PRKG1: variants seen among roughly 807,000 people sequenced by gnomAD.
PRKG1 encodes the protein protein kinase cGMP-dependent 1.
A neutral mutation model predicts 88.1 loss-of-function variants in PRKG1; 35 were observed. That is an observed-to-expected ratio of 0.40 (90% confidence interval 0.30 to 0.53). The LOEUF is 0.53. Among genes scored for constraint, PRKG1 ranks in the 20% least tolerant of loss-of-function variants. The pLI is 0.59. For missense variants in PRKG1, 540 were observed against 839.8 expected, an observed-to-expected ratio of 0.64 and a Z score of 4.41; for synonymous variants, 303 against 292.5, an observed-to-expected ratio of 1.04 and a Z score of -0.37.
At chr10:51,170,072 CTG>C (rs1458548449) in intron 2 of PRKG1, among the ~76,000 whole-genome samples, 1 of 151,984 alleles carries the variant, frequency 6.6e-6, no homozygotes, top group African/African-American at 2.4e-5. Flanking sequence ...CTGGGCTGGA[CTG>C]TTGTCTCTGA....
chr10:51,965,915 C>T lies in PRKG1; in HGVS notation c.762+58345C>T, dbSNP rs1182510000. On this transcript the variant is annotated intron_variant, in intron 5 of 17. Coordinates refer to ENST00000373980, the MANE Select transcript of PRKG1 (RefSeq NM_006258.4). ...AAAATGTAATTTTGAAGATTGCAGT[C>T]AGTTCTGTGAAGAAACAAGATATGT... 2.0e-5 allele frequency among the ~76,000 whole-genome samples: 3 copies of T among 152,060 alleles called. No individual in the cohort carries two copies. The East Asian group carries it at 5.8e-4, about 29-fold the overall frequency.
intron 3 of PRKG1, among the ~76,000 whole-genome samples, chr10:51,541,319 A>G (rs1466330150): frequency 6.6e-6 from 1 of 151,956 alleles, no homozygotes; most frequent in Non-Finnish European, 1.5e-5. Context: ...CTCATCTTCC[A>G]CTCATCTCCT....
intron 3 of PRKG1, among the ~76,000 whole-genome samples, chr10:51,653,524 T>G (rs192360018): frequency 6.6e-6 from 1 of 152,296 alleles, no homozygotes; most frequent in South Asian, 2.1e-4. Context: ...TTGAGAAATA[T>G]CTGTTCAAGT....
chr10:51,074,949 G>A (rs1243033814), intron 1 of PRKG1, 48 bp downstream of exon 1: 1 of 1,524,630 alleles, frequency 6.6e-7, no homozygotes, highest in Admixed American at 2.0e-5. Flanking sequence ...TGGCGATGGG[G>A]AGCTGCGGGT....
chr10:51,075,199 T>C (rs924090495), intron 1 of PRKG1, among the ~76,000 whole-genome samples: 1 of 152,222 alleles, frequency 6.6e-6, no homozygotes, highest in African/African-American at 2.4e-5. Context: ...CAGGTGTGTG[T>C]CCGACCGTGT....
At chr10:51,995,132 T>C (rs918202039) in intron 5 of PRKG1, among the ~76,000 whole-genome samples, 1 of 152,114 alleles carries the variant, frequency 6.6e-6, no homozygotes, top group African/African-American at 2.4e-5. Context: ...CAAAGCCAAT[T>C]CTTTTGGCAC....
At chr10:51,265,452 A>C (rs1311785384) in intron 2 of PRKG1, among the ~76,000 whole-genome samples, 1 of 152,188 alleles carries the variant, frequency 6.6e-6, no homozygotes, top group African/African-American at 2.4e-5. Flanking sequence ...TTCAGGTTTA[A>C]TGGGAATCTC....
chr10:51,220,615 A>G (rs543603261), intron 2 of PRKG1, among the ~76,000 whole-genome samples: 8 of 152,334 alleles, frequency 5.3e-5, no homozygotes, highest in African/African-American at 1.7e-4. Flanking sequence ...AACATCTAGT[A>G]TCTGGATCAA....
chr10:51,918,392 A>C (rs1842392057), intron 5 of PRKG1, among the ~76,000 whole-genome samples: 1 of 151,174 alleles, frequency 6.6e-6, no homozygotes, highest in South Asian at 2.1e-4. Flanking sequence ...CAGCATTTTA[A>C]ATTTGTTGTG....
chr10:51,533,176 T>A (rs960719040), intron 3 of PRKG1, among the ~76,000 whole-genome samples: 1 of 152,372 alleles, frequency 6.6e-6, no homozygotes, highest in Non-Finnish European at 1.5e-5. Context: ...ATCAGTACAA[T>A]TGAAACTTTA....
chr10:51,643,377 T>C (rs1839845317), intron 3 of PRKG1, among the ~76,000 whole-genome samples: 1 of 152,202 alleles, frequency 6.6e-6, no homozygotes, highest in Non-Finnish European at 1.5e-5. Flanking sequence ...ATTTTCCCCT[T>C]TCTGAATTTC....
intron 1 of PRKG1, among the ~76,000 whole-genome samples, chr10:51,012,478 C>T (rs1454954563): frequency 6.6e-6 from 1 of 152,200 alleles, no homozygotes; most frequent in Admixed American, 6.5e-5. Flanking sequence ...CCATACCAGT[C>T]TACCTCCCTT....
At chr10:52,194,655 A>T (rs1307244848) in intron 9 of PRKG1, among the ~76,000 whole-genome samples, 1 of 152,182 alleles carries the variant, frequency 6.6e-6, no homozygotes, top group Admixed American at 6.5e-5. Context: ...GTGTTTGATC[A>T]ATGAAGTTCA....
rs144959977 is a variant in PRKG1 at position 51,905,212 on chromosome 10, C to A, written c.699-2295C>A. Among the ~76,000 whole-genome samples the A allele has an allele frequency of 6.5e-3, 983 of 152,276 alleles. 11 individuals carry two copies. The highest frequency in any genetic ancestry group is 0.02 in the African/African-American group (833 of 41,562). ...TGGTCCATCCAGCTGCTGAAATAGA[C>A]TGCCTTCTGGAAATTAAACCCCACA... On this transcript the variant is annotated intron_variant, in intron 4 of 17. Transcript: ENST00000373980.
At chr10:51,588,599 A>G (rs1022616014) in intron 3 of PRKG1, among the ~76,000 whole-genome samples, 1 of 152,218 alleles carries the variant, frequency 6.6e-6, no homozygotes, top group Non-Finnish European at 1.5e-5. Flanking sequence ...GTAAAGAACT[A>G]GAAGGTGATT....
At chr10:51,109,319 A>C (rs949824172) in intron 1 of PRKG1, among the ~76,000 whole-genome samples, 2 of 152,210 alleles carry the variant, frequency 1.3e-5, no homozygotes, top group Non-Finnish European at 2.9e-5. Flanking sequence ...AACACCACTT[A>C]AGGTTTATTA....
intron 3 of PRKG1, among the ~76,000 whole-genome samples, chr10:51,731,197 G>A (rs2132471206): frequency 6.6e-6 from 1 of 152,102 alleles, no homozygotes; most frequent in South Asian, 2.1e-4. Flanking sequence ...CTTCTGATAA[G>A]GTCTTATATT....
At chr10:52,119,997 G>C (rs922793767) in intron 7 of PRKG1, among the ~76,000 whole-genome samples, 1 of 151,530 alleles carries the variant, frequency 6.6e-6, no homozygotes, top group African/African-American at 2.4e-5. Context: ...GAGACAGAGA[G>C]AGAGAGACAG....
intron 9 of PRKG1, among the ~76,000 whole-genome samples, chr10:52,201,614 T>C (rs1839670516): frequency 6.6e-6 from 1 of 152,176 alleles, no homozygotes; most frequent in Admixed American, 6.6e-5. Flanking sequence ...TTGATAGTAA[T>C]AATACCGAAT....
Sources: gnomAD v4.1 joint callset for allele counts (sites outside exome capture counted in the v4.1 genomes callset) on GRCh38, gnomAD v4.1.1 for gene constraint, MANE v1.5 for transcripts, NCBI Gene and HGNC (gene_info 2026-07-23, HGNC 2026-07-21) for gene names.